The following STK3 variants were observed in gnomAD, a reference collection of about 807,000 sequenced individuals.
STK3 encodes serine/threonine-protein kinase 3.
A neutral mutation model predicts 58.0 loss-of-function variants in STK3; 41 were observed. That is an observed-to-expected ratio of 0.71 (90% CI 0.55 to 0.92). The LOEUF (loss-of-function observed/expected upper bound fraction) is 0.92. Ranked by LOEUF, STK3 falls within the 40% of genes least tolerant of loss-of-function variation. STK3 has a pLI of 0.00. For missense variants in STK3, 479 were observed against 602.7 expected (o/e 0.79, Z 2.15); for synonymous variants, 170 against 191.0 (o/e 0.89, Z 0.91).
chr8:98,759,371 A>G (rs1830484311), intron 3 of STK3, among the ~76,000 whole-genome samples: 1 of 152,204 alleles, frequency 6.6e-6, no homozygotes, highest in Non-Finnish European at 1.5e-5. Context: ...ACGGCCTAGC[A>G]GTGGGACAGT....
chr8:98,843,034 A>AATAAATAC (rs1306915600), intron 3 of STK3, among the ~76,000 whole-genome samples: 19 of 151,056 alleles, frequency 1.3e-4, no homozygotes, highest in Admixed American at 2.0e-4. Flanking sequence ...TAAATAAATA[A>AATAAATAC]AGTGGTATTA....
chr8:98,462,765 AT>A (rs1487172751), intron 10 of STK3, among the ~76,000 whole-genome samples: 1 of 152,162 alleles, frequency 6.6e-6, no homozygotes, highest in East Asian at 1.9e-4. Flanking sequence ...TTTCTCTCGT[AT>A]CTCCTTTGGT....
At chr8:98,440,093 C>T (rs538030574) in intron 1 of STK3, among the ~76,000 whole-genome samples, 1 of 152,310 alleles carries the variant, frequency 6.6e-6, no homozygotes, top group Admixed American at 6.5e-5. Context: ...ATCAAATCTG[C>T]TCCAGCGGGC....
At chr8:98,876,061 A>G (rs1023392020) in intron 3 of STK3, among the ~76,000 whole-genome samples, 2 of 152,202 alleles carry the variant, frequency 1.3e-5, no homozygotes, top group African/African-American at 4.8e-5. Context: ...CACTAAAGGC[A>G]GTGGTTCTTG....
intron 1 of STK3, among the ~76,000 whole-genome samples, chr8:98,775,049 A>C (rs890612702): frequency 6.6e-6 from 1 of 152,216 alleles, no homozygotes; most frequent in Non-Finnish European, 1.5e-5. Flanking sequence ...AAACCTTTAT[A>C]TAAATATGAA....
intron 6 of STK3, among the ~76,000 whole-genome samples, chr8:98,702,396 T>C (rs1319942442): frequency 1.3e-5 from 2 of 152,226 alleles, no homozygotes; most frequent in Non-Finnish European, 2.9e-5. Flanking sequence ...GTGCCATCTT[T>C]AAGTTCTTCG....
At chr8:98,410,606 A>G (rs970438002) in intron 3 of STK3, among the ~76,000 whole-genome samples, 12 of 152,248 alleles carry the variant, frequency 7.9e-5, no homozygotes, top group South Asian at 4.1e-4. Flanking sequence ...GCACTAATTG[A>G]TATGGTTGAT....
chr8:98,864,197 CAAAAAA>C (rs35196007), intron 3 of STK3, among the ~76,000 whole-genome samples: 1 of 37,444 alleles, frequency 2.7e-5, no homozygotes, highest in Non-Finnish European at 4.6e-5. Context: ...GACTCCTTCT[CAAAAAA>C]AAAAAAAAAA....
At chr8:98,518,762 G>A (rs1347445581) in intron 10 of STK3, among the ~76,000 whole-genome samples, 1 of 152,120 alleles carries the variant, frequency 6.6e-6, no homozygotes, top group Non-Finnish European at 1.5e-5. Context: ...GCTGGCAAAG[G>A]ACTGAAATAG....
intron 1 of STK3, chr8:98,889,974 C>A (rs975403039): frequency 4.2e-4 from 64 of 152,320 alleles, no homozygotes; most frequent in African/African-American, 1.4e-3. Context: ...AAGGAGAAGA[C>A]CCCAGCCATC....
intron 1 of STK3, among the ~76,000 whole-genome samples, chr8:98,892,254 A>C (rs1838226526): frequency 6.6e-6 from 1 of 152,024 alleles, no homozygotes; most frequent in Admixed American, 6.6e-5. Context: ...CTTTATCTTC[A>C]TTCCCTCTGA....
upstream of STK3, among the ~76,000 whole-genome samples, chr8:98,827,463 G>A (rs901175367): frequency 6.6e-6 from 1 of 152,176 alleles, no homozygotes; most frequent in African/African-American, 2.4e-5. Context: ...TGAATAATGT[G>A]AATATTTGCC....
intron 6 of STK3, among the ~76,000 whole-genome samples, chr8:98,705,431 A>C (rs76888780): frequency 1.3e-5 from 2 of 151,488 alleles, no homozygotes; most frequent in African/African-American, 2.4e-5. Context: ...AAAAAAAAAA[A>C]CTCTCTTTAA....
intron 1 of STK3, among the ~76,000 whole-genome samples, chr8:98,383,138 C>T (rs1181938640): frequency 6.6e-6 from 1 of 152,152 alleles, no homozygotes; most frequent in African/African-American, 2.4e-5. Context: ...CTCATTCATC[C>T]TTAACAGCAA....
chr8:98,652,055 G>A (rs867635075), intron 6 of STK3, among the ~76,000 whole-genome samples: 3 of 152,202 alleles, frequency 2.0e-5, no homozygotes, highest in Middle Eastern at 3.4e-3. Flanking sequence ...TTGAAATGAA[G>A]GAAAAAATGT....
At chr8:98,778,365 A>C (rs1364653420) in intron 1 of STK3, among the ~76,000 whole-genome samples, 5 of 151,600 alleles carry the variant, frequency 3.3e-5, no homozygotes, top group Admixed American at 3.3e-4. Context: ...GCAATCATTA[A>C]AAAGTCAGGA....
chr8:98,386,458 A>G (rs1030330323), intron 1 of STK3, among the ~76,000 whole-genome samples: 2 of 152,232 alleles, frequency 1.3e-5, no homozygotes, highest in Middle Eastern at 3.2e-3. Flanking sequence ...AGAACATACT[A>G]TTAAAAGTGG....
chr8:98,749,317 C>A lies in STK3; in HGVS notation c.310G>T (p.Ala104Ser), dbSNP rs947958279. 1 of 1,608,278 alleles carries A rather than the reference C, an allele frequency of 6.2e-7. No individual in the cohort carries two copies. The highest frequency in any genetic ancestry group is 1.1e-5 in the South Asian group (1 of 89,968). Reference sequence around the variant, plus strand: ...CTAATTATGTCTGAGACAGAGCCAGCGCCACAGTACTCCATAACAATCCAG... The same window carrying A: ...CTAATTATGTCTGAGACAGAGCCAGAGCCACAGTACTCCATAACAATCCAG... Reference protein sequence around the residue: ...DLWIVMEYCGAGSVSDIIRLR... With the variant: ...DLWIVMEYCGSGSVSDIIRLR... Residue 104 changes from alanine (A) to serine (S), a missense_variant, in exon 4 of 11, where the codon GCT becomes TCT. Transcript: ENST00000419617.
At chr8:98,610,901 A>T (rs1317273342) in intron 6 of STK3, among the ~76,000 whole-genome samples, 1 of 152,228 alleles carries the variant, frequency 6.6e-6, no homozygotes, top group Non-Finnish European at 1.5e-5. Context: ...CAAAGTGCAA[A>T]GACTAAGTTG....
Sources: gnomAD v4.1 joint callset for allele counts (sites outside exome capture counted in the v4.1 genomes callset) on GRCh38, gnomAD v4.1.1 for gene constraint, MANE v1.5 for transcripts, NCBI Gene and HGNC (gene_info 2026-07-23, HGNC 2026-07-21) for gene names.